Variants in GRID2 observed in about 807,000 individuals in gnomAD.
GRID2 encodes the protein glutamate receptor ionotropic, delta-2.
A neutral mutation model predicts 114.8 loss-of-function variants in GRID2; 33 were observed. The observed-to-expected ratio is 0.29, with a 90% CI of 0.22 to 0.38. GRID2 has a LOEUF of 0.38. Among genes scored for constraint, GRID2 ranks in the 10% least tolerant of loss-of-function variants. GRID2 has a pLI of 1.00. For missense variants in GRID2, 1,184 were observed against 1,257.7 expected (o/e 0.94, Z 0.89); for synonymous variants, 505 against 449.9 (o/e 1.12, Z -1.55).
intron 2 of GRID2, among the ~76,000 whole-genome samples, chr4:92,733,380 C>T (rs1187641462): frequency 6.6e-6 from 1 of 152,080 alleles, no homozygotes; most frequent in Non-Finnish European, 1.5e-5. Flanking sequence ...CAGACTCTGT[C>T]TCTGCCCAAG....
intron 14 of GRID2, among the ~76,000 whole-genome samples, chr4:93,754,346 T>C (rs1177547728): frequency 1.3e-5 from 2 of 152,178 alleles, no homozygotes; most frequent in African/African-American, 2.4e-5. Context: ...ATGCATCAAC[T>C]ATTATCTCAT....
chr4:92,664,399 T>C (rs1387366414), intron 2 of GRID2, among the ~76,000 whole-genome samples: 1 of 151,174 alleles, frequency 6.6e-6, no homozygotes, highest in African/African-American at 2.4e-5. Flanking sequence ...TTTTCTTCTA[T>C]TATCGATTTC....
chr4:93,349,909 G>A (rs540839012), intron 8 of GRID2, among the ~76,000 whole-genome samples: 5 of 152,152 alleles, frequency 3.3e-5, no homozygotes, highest in African/African-American at 7.2e-5. Context: ...AAAATAATAT[G>A]TGTGGGATGG....
Position 93,238,419 on chromosome 4 carries a change from G to T in GRID2, c.1174G>T (p.Gly392Cys). The change falls in exon 8 of 16, where the codon GGC becomes TGC. Residue 392 changes from glycine to cysteine, a missense_variant. Physicochemically the swap from Gly to Cys is radical, Grantham distance 159 (BLOSUM62 -3). Coordinates refer to ENST00000282020, the MANE Select transcript of GRID2 (RefSeq NM_001510.4). ...AGAGCTAGAATTTGGAGAAAATGGAGGCAATCCCAATGTCCACTTTGAAAT... is the reference window on the plus strand; with the variant it reads ...AGAGCTAGAATTTGGAGAAAATGGATGCAATCCCAATGTCCACTTTGAAAT... ...TGELEFGENGGNPNVHFEILG... is the reference protein window; with the variant it reads ...TGELEFGENGCNPNVHFEILG... 1 of 1,606,640 alleles carries T rather than the reference G, an allele frequency of 6.2e-7. No homozygotes were observed. The highest frequency in any genetic ancestry group is 1.7e-4 in the Middle Eastern group (1 of 6,034).
At chr4:93,595,179 A>G (rs1738946016) in intron 13 of GRID2, among the ~76,000 whole-genome samples, 1 of 152,190 alleles carries the variant, frequency 6.6e-6, no homozygotes, top group Non-Finnish European at 1.5e-5. Flanking sequence ...TCATCTTTTT[A>G]GGAAGCCTCC....
At chr4:92,416,517 T>C (rs1378274535) in intron 1 of GRID2, among the ~76,000 whole-genome samples, 2 of 152,160 alleles carry the variant, frequency 1.3e-5, no homozygotes, top group African/African-American at 4.8e-5. Flanking sequence ...TGTTATCTTC[T>C]AGAATTTTTA....
chr4:92,482,017 TATATATATATATATATAA>T lies in GRID2; in HGVS notation c.89-108112_89-108095del, dbSNP rs1276724708. 4.2e-3 allele frequency among the ~76,000 whole-genome samples: 294 copies of T among 70,142 alleles called. 6 individuals carry two copies. The highest frequency in any genetic ancestry group is 0.012 in the African/African-American group (278 of 24,138). 46.0% of individuals were successfully genotyped at this position (70,142 alleles called of 152,430 possible). ...ATATATATATATATATATATATATA[TATATATATATATATATAA>T]AATAACAATACAAGCTTATAGCTGC... On this transcript the variant is annotated intron_variant, in intron 1 of 15. Transcript: ENST00000282020.
chr4:92,382,088 G>A lies in GRID2; in HGVS notation c.88+77344G>A, dbSNP rs575274797. ...AAAAACATAGTAGATATGTCCACAT[G>A]TTAGAGTTTTGAATATATTTATAGT... On this transcript the variant is annotated intron_variant, in intron 1 of 15. Coordinates refer to ENST00000282020, the MANE Select transcript of GRID2 (RefSeq NM_001510.4). 3.9e-5 allele frequency among the ~76,000 whole-genome samples: 6 copies of A among 151,946 alleles called. No individual in the cohort carries two copies. The East Asian group carries it at 7.7e-4, about 20-fold the overall frequency.
chr4:93,809,691 T>C (rs151182176), exon 2 of GRID2: 176 of 152,338 alleles, frequency 1.2e-3, no homozygotes, highest in African/African-American at 3.9e-3. Context: ...TCAAATGGAA[T>C]GGAAAATAAT....
intron 2 of GRID2, among the ~76,000 whole-genome samples, chr4:93,064,877 A>G (rs1728147870): frequency 6.6e-6 from 1 of 151,886 alleles, no homozygotes; most frequent in Admixed American, 6.6e-5. Context: ...AAAAATTTCT[A>G]TAATGAATTG....
chr4:92,647,152 T>C (rs1731686682), intron 2 of GRID2, among the ~76,000 whole-genome samples: 1 of 152,198 alleles, frequency 6.6e-6, no homozygotes, highest in Non-Finnish European at 1.5e-5. Context: ...ACTTACTTTA[T>C]CTCCTTGTGT....
chr4:93,359,289 G>T (rs1246779109), intron 8 of GRID2, among the ~76,000 whole-genome samples: 2 of 151,526 alleles, frequency 1.3e-5, no homozygotes, highest in Non-Finnish European at 2.9e-5. Context: ...TCATTTGAAA[G>T]TAATTTTTGT....
intron 2 of GRID2, among the ~76,000 whole-genome samples, chr4:92,949,645 G>C (rs1433349915): frequency 2.6e-5 from 4 of 151,356 alleles, no homozygotes; most frequent in Non-Finnish European, 5.9e-5. Context: ...CTTTCAGGTA[G>C]AATTTGGTAG....
At chr4:92,753,911 T>C (rs17019877) in intron 2 of GRID2, among the ~76,000 whole-genome samples, 3,043 of 152,270 alleles carry the variant, frequency 0.02, 101 homozygotes, top group African/African-American at 0.069. Context: ...TGTTAAATAA[T>C]TATCAAATTA....
At chr4:92,483,793 AC>A (rs1395472874) in intron 1 of GRID2, among the ~76,000 whole-genome samples, 17 of 152,200 alleles carry the variant, frequency 1.1e-4, no homozygotes, top group Admixed American at 1.1e-3. Context: ...TAAACAAGCA[AC>A]AGAAAAAAAT....
chr4:92,456,077 T>C (rs1454022604), intron 1 of GRID2, among the ~76,000 whole-genome samples: 5 of 152,108 alleles, frequency 3.3e-5, no homozygotes, highest in Admixed American at 2.6e-4. Context: ...CTAAATTATA[T>C]TTCAGTGAAA....
At chr4:93,355,632 C>A (rs933124456) in intron 8 of GRID2, among the ~76,000 whole-genome samples, 5 of 152,074 alleles carry the variant, frequency 3.3e-5, no homozygotes, top group African/African-American at 1.2e-4. Context: ...AAAACAAACT[C>A]CACTTCTTTA....
At chr4:92,435,055 G>C (rs1446084654) in intron 1 of GRID2, among the ~76,000 whole-genome samples, 1 of 152,104 alleles carries the variant, frequency 6.6e-6, no homozygotes, top group African/African-American at 2.4e-5. Context: ...TATGATAGCA[G>C]TATATCTTCT....
intron 2 of GRID2, among the ~76,000 whole-genome samples, chr4:92,858,415 AC>A (rs1161558337): frequency 6.6e-6 from 1 of 152,180 alleles, no homozygotes; most frequent in Admixed American, 6.5e-5. Context: ...ATCATACATG[AC>A]TTTTAAGGGT....
Sources: gnomAD v4.1 joint callset for allele counts (sites outside exome capture counted in the v4.1 genomes callset) on GRCh38, gnomAD v4.1.1 for gene constraint, MANE v1.5 for transcripts, NCBI Gene and HGNC (gene_info 2026-07-23, HGNC 2026-07-21) for gene names.